The following CAMSAP3 variants were observed in gnomAD, a reference collection of about 807,000 sequenced individuals.
The protein encoded by CAMSAP3 is calmodulin regulated spectrin associated protein family member 3, also known as calmodulin-regulated spectrin-associated protein 3.
Under a neutral mutation model 112.5 loss-of-function variants are expected in CAMSAP3, and 34 were observed. The ratio of observed to expected loss-of-function variants is 0.30; its 90% CI spans 0.23 to 0.40. The LOEUF (loss-of-function observed/expected upper bound fraction) is 0.40, where lower values mean the gene tolerates loss of function less well. Among genes scored for constraint, CAMSAP3 ranks in the 10% least tolerant of loss-of-function variants. The pLI is 1.00. For missense variants in CAMSAP3, 1,602 were observed against 1,770.3 expected, an observed-to-expected ratio of 0.90 and a Z score of 1.71; for synonymous variants, 868 against 799.8, an observed-to-expected ratio of 1.09 and a Z score of -1.44.
At position 7,612,656 on chromosome 19, in the gene CAMSAP3, G is replaced by A. The variant is rs1173474241; in HGVS notation, c.2163G>A (p.Thr721=). 35 of 1,514,380 alleles carry A rather than the reference G, an allele frequency of 2.3e-5. No homozygotes were observed. Among genetic ancestry groups the A allele is most frequent in the Non-Finnish European group, 2.6e-5 (30 of 1,132,864 alleles). 93.8% of individuals were successfully genotyped at this position (1,514,380 alleles called of 1,614,324 possible). A position where few individuals can be genotyped will look rare whatever the true frequency, so the allele number is the denominator to read the frequency against. The stretch of plus-strand genomic sequence containing the variant: ...TGCAGCGGGACATGCAGAGGCTCAC[G>A]GACCAGCAGCAGCGGCTCCTGGCCC... The part of the protein sequence containing the change: ...SSLQRDMQRL[T]DQQQRLLAPP... Residue 721 remains threonine (T), a synonymous_variant, in exon 11 of 17, where the codon ACG becomes ACA. Coordinates refer to ENST00000160298, the MANE Select transcript of CAMSAP3 (RefSeq NM_020902.2).
At chr19:7,606,135 G>T in intron 2 of CAMSAP3, 136 bp from the exon 3 acceptor site, 19 of 585,152 alleles carry the variant, frequency 3.2e-5, no homozygotes, top group South Asian at 9.6e-5. Flanking sequence ...ATGAACCACT[G>T]GCCCCGCCCC....
At chr19:7,596,748 C>A (rs1027413216) in intron 1 of CAMSAP3, among the ~76,000 whole-genome samples, 2 of 152,164 alleles carry the variant, frequency 1.3e-5, no homozygotes, top group Non-Finnish European at 2.9e-5. Flanking sequence ...ATAGCCCCCT[C>A]CAGCGCCTGG....
chr19:7,612,561 C>T lies in CAMSAP3; in HGVS notation c.2068C>T (p.Pro690Ser). The change falls in exon 11 of 17, where the codon CCG becomes TCG. Residue 690 changes from proline to serine, a missense_variant. This residue lies in a region of CAMSAP3 where 1,100 missense variants were observed against 1,135.7 expected (regional missense o/e 0.97). Coordinates refer to ENST00000160298, the MANE Select transcript of CAMSAP3 (RefSeq NM_020902.2). ...KAVTFSPDLG[P>S]VPHEGLGEYN... The stretch of plus-strand genomic sequence containing the variant: ...AGTGACCTTCTCGCCAGACCTGGGC[C>T]CGGTGCCCCACGAGGGGCTGGGGGA... 4 of 1,535,492 alleles carry T rather than the reference C, an allele frequency of 2.6e-6. No individual in the cohort carries two copies. Among genetic ancestry groups the T allele is most frequent in the Non-Finnish European group, 2.6e-6 (3 of 1,145,566 alleles).
At chr19:7,603,200 C>CTT (rs199963618) in intron 1 of CAMSAP3, among the ~76,000 whole-genome samples, 1 of 149,526 alleles carries the variant, frequency 6.7e-6, no homozygotes, top group African/African-American at 2.5e-5. Flanking sequence ...TCTTTCTTTT[C>CTT]TTTTTTTTTC....
At position 7,612,366 on chromosome 19, in the gene CAMSAP3, T is replaced by C; in HGVS notation, c.1873T>C (p.Phe625Leu). ...TCAGAAGCGACGGATTGAGGCCATA[T>C]TCGCCAAGCACCGCCAGCGGCTGGG... The part of the protein sequence containing the change: ...EAQKRRIEAI[F>L]AKHRQRLGKS... Residue 625 changes from phenylalanine to leucine, a missense_variant, in exon 11 of 17, where the codon TTC (phenylalanine) becomes CTC (leucine). Around this residue, in one of 6 missense-constraint regions of CAMSAP3, gnomAD observed 1,100 missense variants for 1,135.7 expected, o/e 0.97. Transcript: ENST00000160298. 1 of 1,602,386 alleles carries C rather than the reference T, an allele frequency of 6.2e-7. No homozygotes were observed. Among genetic ancestry groups the C allele is most frequent in the Non-Finnish European group, 8.5e-7 (1 of 1,177,266 alleles).
intron 5 of CAMSAP3, among the ~76,000 whole-genome samples, chr19:7,609,896 C>T (rs190698900): frequency 1.4e-3 from 210 of 152,222 alleles, no homozygotes; most frequent in African/African-American, 4.6e-3. Context: ...AAGCGGGGTT[C>T]GGGTGGTCCT....
rs186230809 is a variant in CAMSAP3, at chr19:7,615,320, G to T, written c.2808G>T (p.Ala936=). 19 of 1,545,046 alleles carry T rather than the reference G, an allele frequency of 1.2e-5. No individual in the cohort carries two copies. The African/African-American group carries it at 2.2e-4, about 18-fold the overall frequency. ...AGGAACAGCGGAGGGAGGAGGCCGCGAGGTGAGGCCGGGCCTGCCCGGGAC... is the reference window on the plus strand; with the variant it reads ...AGGAACAGCGGAGGGAGGAGGCCGCTAGGTGAGGCCGGGCCTGCCCGGGAC... ...VEKEQRREEA[A]RLAQEEAPGP... Residue 936 remains alanine (A), a splice_region_variant and synonymous_variant, in exon 12 of 17, where the codon GCG becomes GCT. Transcript: ENST00000160298. This position sits in a 1 kb window ranked among gnomAD's most constrained non-coding sequence, Gnocchi z 6.5.
In CAMSAP3 at chr19:7,610,849, C is replaced by T. The variant is rs990233196; in HGVS notation, c.995-28C>T. The T allele has an allele frequency of 1.9e-6, 3 of 1,609,324 alleles. No individual in the cohort carries two copies. Among genetic ancestry groups the T allele is most frequent in the African/African-American group, 2.7e-5 (2 of 74,864 alleles). ...GGGGGCGGGTGGGAGAGCCAAACCC[C>T]CGCCTGACCCTCTTCTCTGTACTGC... On this transcript the variant is annotated intron_variant, in intron 7 of 16. Transcript: ENST00000160298. This position sits in a 1 kb window ranked among gnomAD's most constrained non-coding sequence, Gnocchi z 4.9.
Position 7,618,128 on chromosome 19 carries a change from G to T in CAMSAP3, c.*71G>T, listed in dbSNP as rs2030914955. On this transcript the variant is annotated 3_prime_UTR_variant, in exon 17 of 17. Transcript: ENST00000160298. ...CCATCCCCTGGAGGACAGTCAGTCGGTATTCCTGGGTCCTGTCTGTCCCCA... is the reference window on the plus strand; with the variant it reads ...CCATCCCCTGGAGGACAGTCAGTCGTTATTCCTGGGTCCTGTCTGTCCCCA... The T allele has an allele frequency of 2.0e-6, 3 of 1,507,792 alleles. No homozygotes were observed. The highest frequency in any genetic ancestry group is 1.4e-5 in the African/African-American group (1 of 73,018). 93.4% of individuals were successfully genotyped at this position (1,507,792 alleles called of 1,614,324 possible).
intron 11 of CAMSAP3, chr19:7,614,834 C>A (rs1599362199): frequency 2.5e-6 from 1 of 403,628 alleles, no homozygotes; most frequent in East Asian, 5.3e-5. Context: ...AGGGTACTTC[C>A]TCTGGGAAGC....
chr19:7,617,519 CCCTCCCACTG>C lies in CAMSAP3; in HGVS notation c.3326-19_3326-10del. On this transcript the variant is annotated splice_polypyrimidine_tract_variant and intron_variant, in intron 15 of 16. Transcript: ENST00000160298. The surrounding 1 kb of genome is among the most constrained non-coding windows in gnomAD (Gnocchi z 7.5). ...CTGCTCATTCCTGCTGCCCCCCACC[CCCTCCCACTG>C]CCTCACCCTCTAGGTCCACGGCTGT... The C allele has an allele frequency of 6.2e-7, 1 of 1,610,106 alleles. No homozygotes were observed. The highest frequency in any genetic ancestry group is 8.5e-7 in the Non-Finnish European group (1 of 1,176,370).
Position 7,617,693 on chromosome 19 carries a change from T to TGGTGGGTG in CAMSAP3, c.3444+42_3445-42dup, listed in dbSNP as rs746922525. On this transcript the variant is annotated intron_variant, in intron 16 of 16. Transcript: ENST00000160298. The surrounding 1 kb of genome is among the most constrained non-coding windows in gnomAD (Gnocchi z 7.5). ...CCGCCCACACGTGGGAGTTGGGGGC[T>TGGTGGGTG]GGTGGGTGGGTGGGTGGCCTGACTT... 6.2e-7 allele frequency: 1 copy of TGGTGGGTG among 1,610,950 alleles called. No homozygotes were observed. Among genetic ancestry groups the TGGTGGGTG allele is most frequent in the Non-Finnish European group, 8.5e-7 (1 of 1,177,324 alleles).
Position 7,605,597 on chromosome 19 carries a change from G to A in CAMSAP3, c.402+118G>A, listed in dbSNP as rs115769611. ...CTCTATCAGTCTTGGCTCCTTTCAAGCTTTGTCGATTAAGCCTAGCTCCTC... is the reference window on the plus strand; with the variant it reads ...CTCTATCAGTCTTGGCTCCTTTCAAACTTTGTCGATTAAGCCTAGCTCCTC... On this transcript the variant is annotated intron_variant, in intron 2 of 16. Transcript: ENST00000160298. 3,143 of 1,199,238 alleles carry A rather than the reference G, an allele frequency of 2.6e-3. 73 individuals are homozygous for A. In the African/African-American group the frequency reaches 0.044, roughly 17 times the overall value. The allele number at this position is 1,199,238 out of a possible 1,614,324, so 74.3% of individuals were successfully genotyped here.
At position 7,610,818 on chromosome 19, in the gene CAMSAP3, C is replaced by A; in HGVS notation, c.994+25C>A. ...GGTGAGGCCCTGGGGGCCTGGGGGC[C>A]GGGTCGGGGGCGGGTGGGAGAGCCA... On this transcript the variant is annotated intron_variant, in intron 7 of 16. Coordinates refer to ENST00000160298, the MANE Select transcript of CAMSAP3 (RefSeq NM_020902.2). The surrounding 1 kb of genome is among the most constrained non-coding windows in gnomAD (Gnocchi z 4.9). 6.8e-7 allele frequency: 1 copy of A among 1,470,356 alleles called. No homozygotes were observed. Among genetic ancestry groups the A allele is most frequent in the Admixed American group, 1.7e-5 (1 of 58,638 alleles). 91.1% of individuals were successfully genotyped at this position (1,470,356 alleles called of 1,614,324 possible).
chr19:7,609,336 G>C (rs934797522), intron 5 of CAMSAP3, among the ~76,000 whole-genome samples: 14 of 134,600 alleles, frequency 1.0e-4, no homozygotes, highest in Non-Finnish European at 1.6e-5. Context: ...AAAAAAAAAA[G>C]TATAAAATAG....
Position 7,610,538 on chromosome 19 carries a change from G to A in CAMSAP3, c.823G>A (p.Asp275Asn), listed in dbSNP as rs1387882892. 1.2e-6 allele frequency: 2 copies of A among 1,613,644 alleles called. No individual in the cohort carries two copies. The highest frequency in any genetic ancestry group is 1.7e-6 in the Non-Finnish European group (2 of 1,180,016). The change falls in exon 6 of 17, where the codon GAT becomes AAT. Residue 275 changes from aspartate to asparagine, a missense_variant. Asp to Asn is a conservative substitution (Grantham distance 23). Coordinates refer to ENST00000160298, the MANE Select transcript of CAMSAP3 (RefSeq NM_020902.2). The surrounding 1 kb of genome is among the most constrained non-coding windows in gnomAD (Gnocchi z 4.9). The part of the protein sequence containing the change: ...DSLYNLQLVQ[D>N]FCASRLPRGC... ...CCTGTACAACCTCCAGCTCGTGCAG[G>A]ATTTCTGTGCCTCTCGCCTTCCTCG...
Position 7,605,162 on chromosome 19 carries a change from G to GTGTGTGTGTGTGTA in CAMSAP3, c.149-51_149-50insATGTGTGTGTGTGT, listed in dbSNP as rs1490279485. On this transcript the variant is annotated intron_variant, in intron 1 of 16. Transcript: ENST00000160298. The stretch of plus-strand genomic sequence containing the variant: ...CGGGCCATGTGGTGTGTGTGTGTGT[G>GTGTGTGTGTGTGTA]TGTGTGTGTGTGTGTTGTATCTGGT... The GTGTGTGTGTGTGTA allele has an allele frequency of 3.4e-4, 364 of 1,073,278 alleles. 2 individuals are homozygous for GTGTGTGTGTGTGTA. The African/African-American group carries it at 5.3e-3, about 16-fold the overall frequency. 66.5% of individuals were successfully genotyped at this position (1,073,278 alleles called of 1,614,324 possible).
chr19:7,596,511 T>G (rs964492590), intron 1 of CAMSAP3, among the ~76,000 whole-genome samples: 5 of 148,744 alleles, frequency 3.4e-5, no homozygotes, highest in African/African-American at 1.2e-4. Flanking sequence ...GGCCTTCCCT[T>G]GCACGCCTTC....
rs1409688493 is a variant in CAMSAP3 at position 7,615,118 on chromosome 19, G to A, written c.2671-65G>A. 2.6e-6 allele frequency: 4 copies of A among 1,541,776 alleles called. No individual in the cohort carries two copies. The highest frequency in any genetic ancestry group is 2.6e-6 in the Non-Finnish European group (3 of 1,139,414). ...TGGGTGGCGGGCAGGCTGGGTGGAGGGAAGATGGGCCTCCAGCCATGTTGG... is the reference window on the plus strand; with the variant it reads ...TGGGTGGCGGGCAGGCTGGGTGGAGAGAAGATGGGCCTCCAGCCATGTTGG... On this transcript the variant is annotated intron_variant, in intron 11 of 16. Coordinates refer to ENST00000160298, the MANE Select transcript of CAMSAP3 (RefSeq NM_020902.2). This position sits in a 1 kb window ranked among gnomAD's most constrained non-coding sequence, Gnocchi z 6.5.
Sources: allele counts gnomAD v4.1 joint callset (sites outside exome capture counted in the v4.1 genomes callset), GRCh38; gene constraint gnomAD v4.1.1; regional missense constraint gnomAD v4.1.1; non-coding constraint Gnocchi (gnomAD v3.1); transcripts MANE v1.5; gene names NCBI Gene and HGNC (gene_info 2026-07-23, HGNC 2026-07-21).